ECHDC3: variants seen among roughly 807,000 people sequenced by gnomAD.
ECHDC3 encodes the protein enoyl-CoA hydratase domain-containing protein 3, mitochondrial.
In ECHDC3, 20 loss-of-function variants were observed where a neutral mutation model predicts 17.9. The ratio of observed to expected loss-of-function variants is 1.12; its 90% CI spans 0.79 to 1.63. ECHDC3 has a LOEUF of 1.63. Ranked by LOEUF, ECHDC3 falls within the 40% of genes most tolerant of loss-of-function variation. The probability of loss-of-function intolerance (pLI) is 0.00; values close to 1 mark genes in which losing one functional copy is unlikely to be tolerated. For synonymous variants in ECHDC3, 177 were observed against 149.7 expected (o/e 1.18, Z -1.33); for missense variants, 407 against 357.7 (o/e 1.14, Z -1.11).
rs190249148 is a variant in ECHDC3, at chr10:11,760,410, C to G, written c.592-2814C>G. On this transcript the variant is annotated intron_variant, in intron 4 of 4. Transcript: ENST00000379215. Reference sequence around the variant, plus strand: ...ACTGCCGGCCCAGGCTGCAAGCCCCCCACCTGGGATGAATACTTGCCCATC... The same window carrying G: ...ACTGCCGGCCCAGGCTGCAAGCCCCGCACCTGGGATGAATACTTGCCCATC... Among the ~76,000 whole-genome samples the G allele has an allele frequency of 1.7e-3, 263 of 152,340 alleles. 1 individual carries two copies. Among genetic ancestry groups the G allele is most frequent in the African/African-American group, 6.0e-3 (248 of 41,582 alleles).
Position 11,742,429 on chromosome 10 carries a change from C to T in ECHDC3, c.-148C>T. ...TGGGGCGTCCCCGCGAAGCCTGGGC[C>T]TGTCAGGCGGTTCCGTCCGGGTCTC... is the stretch of plus-strand genomic sequence containing the variant. On this transcript the variant is annotated 5_prime_UTR_variant, in exon 1 of 5. Coordinates refer to ENST00000379215, the MANE Select transcript of ECHDC3 (RefSeq NM_024693.5). 3 of 734,642 alleles carry T rather than the reference C, an allele frequency of 4.1e-6. No individual in the cohort carries two copies. The highest frequency in any genetic ancestry group is 1.8e-6 in the Non-Finnish European group (1 of 546,540). The allele number at this position is 734,642 out of a possible 1,614,324, so 45.5% of individuals were successfully genotyped here. A position where few individuals can be genotyped will look rare whatever the true frequency, so the allele number is the denominator to read the frequency against.
At chr10:11,742,800 C>G in intron 1 of ECHDC3, 54 bp downstream of exon 1, 1 of 1,222,540 alleles carries the variant, frequency 8.2e-7, no homozygotes, top group Non-Finnish European at 1.0e-6. Context: ...GGGGTCAGGG[C>G]GCCGCCATTG....
intron 2 of ECHDC3, among the ~76,000 whole-genome samples, chr10:11,748,624 G>C (rs1370356915): frequency 6.6e-6 from 1 of 152,168 alleles, no homozygotes; most frequent in Non-Finnish European, 1.5e-5. Context: ...GGTTGCTCAT[G>C]TCTGTAATCC....
Position 11,749,656 on chromosome 10 carries a change from C to T in ECHDC3, c.390+64C>T, listed in dbSNP as rs182993857. 49 of 1,503,716 alleles carry T rather than the reference C, an allele frequency of 3.3e-5. No individual in the cohort carries two copies. The East Asian group carries it at 6.4e-4, about 20-fold the overall frequency. The allele number at this position is 1,503,716 out of a possible 1,614,324, so 93.1% of individuals were successfully genotyped here. A position where few individuals can be genotyped will look rare whatever the true frequency, so the allele number is the denominator to read the frequency against. On this transcript the variant is annotated intron_variant, in intron 3 of 4. Coordinates refer to ENST00000379215, the MANE Select transcript of ECHDC3 (RefSeq NM_024693.5). ...TGATCATTACATTAAATGTTGAGTT[C>T]GCCTTCGACCTTACAGATAAGATTT...
At chr10:11,762,654 G>A (rs764628620) in intron 4 of ECHDC3, among the ~76,000 whole-genome samples, 3 of 152,200 alleles carry the variant, frequency 2.0e-5, no homozygotes, top group Non-Finnish European at 2.9e-5. Context: ...TAGGAGGGGA[G>A]AGGGCATCCT....
At chr10:11,760,813 G>T (rs1276478541) in intron 4 of ECHDC3, among the ~76,000 whole-genome samples, 1 of 152,212 alleles carries the variant, frequency 6.6e-6, no homozygotes, top group Non-Finnish European at 1.5e-5. Context: ...GGTGTCTTCA[G>T]CAGGGTCCTA....
intron 1 of ECHDC3, 63 bp from the exon 2 acceptor site, chr10:11,747,286 C>T (rs56380340): frequency 1.9e-6 from 3 of 1,585,546 alleles, no homozygotes; most frequent in East Asian, 2.3e-5. Context: ...AGACAGGAAT[C>T]GCAGGGGTCC....
Position 11,747,720 on chromosome 10 carries a change from C to T in ECHDC3, c.292+250C>T, listed in dbSNP as rs534850891. 6.6e-5 allele frequency among the ~76,000 whole-genome samples: 10 copies of T among 152,350 alleles called. No homozygotes were observed. The East Asian group carries it at 1.9e-3, about 29-fold the overall frequency. On this transcript the variant is annotated intron_variant, in intron 2 of 4. Coordinates refer to ENST00000379215, the MANE Select transcript of ECHDC3 (RefSeq NM_024693.5). Reference sequence around the variant, plus strand: ...CTTTTTGTCAGATACTAAAACATTTCTGTACTTGGCTATACTGGTCTTCCC... The same window carrying T: ...CTTTTTGTCAGATACTAAAACATTTTTGTACTTGGCTATACTGGTCTTCCC...
chr10:11,744,038 C>T (rs916889749), intron 1 of ECHDC3, among the ~76,000 whole-genome samples: 6 of 152,248 alleles, frequency 3.9e-5, no homozygotes, highest in Non-Finnish European at 7.3e-5. Flanking sequence ...GAGCGACCCA[C>T]CACTCTTCAA....
chr10:11,743,866 G>A (rs1365685298), intron 1 of ECHDC3, among the ~76,000 whole-genome samples: 1 of 152,238 alleles, frequency 6.6e-6, no homozygotes, highest in Non-Finnish European at 1.5e-5. Context: ...CAAAAAGGAG[G>A]CCGGTCGAGT....
In ECHDC3 at chr10:11,752,299, T is replaced by TTTTTA. The variant is rs1832835040; in HGVS notation, c.390+2707_390+2708insTTTTA. The TTTTTA allele has an allele frequency of 3.4e-5, 5 of 148,446 alleles. No homozygotes were observed. In the Admixed American group the frequency reaches 3.4e-4, roughly 10 times the overall value. The allele number at this position is 148,446 out of a possible 1,614,324, so 9.2% of individuals were successfully genotyped here. A position where few individuals can be genotyped will look rare whatever the true frequency, so the allele number is the denominator to read the frequency against. The stretch of plus-strand genomic sequence containing the variant: ...GTTAATTTTTTTTTTTTTTTTTTTT[T>TTTTTA]AGTAGAAATGGGGTTGCACCATGTT... On this transcript the variant is annotated intron_variant, in intron 3 of 4. Coordinates refer to ENST00000379215, the MANE Select transcript of ECHDC3 (RefSeq NM_024693.5).
chr10:11,746,632 A>G (rs1467389077), intron 1 of ECHDC3, among the ~76,000 whole-genome samples: 1 of 152,166 alleles, frequency 6.6e-6, no homozygotes, highest in Non-Finnish European at 1.5e-5. Context: ...ATGTACCCAC[A>G]AAAATTAAAT....
At chr10:11,756,041 G>A (rs1421401066) in intron 4 of ECHDC3, among the ~76,000 whole-genome samples, 2 of 152,212 alleles carry the variant, frequency 1.3e-5, no homozygotes, top group African/African-American at 4.8e-5. Context: ...GGATAGTAGT[G>A]TCGCTGGCTC....
At chr10:11,756,966 C>G (rs1832891872) in intron 4 of ECHDC3, among the ~76,000 whole-genome samples, 2 of 152,196 alleles carry the variant, frequency 1.3e-5, no homozygotes, top group African/African-American at 4.8e-5. Flanking sequence ...AACTCCTGAC[C>G]TCAAGTAGTC....
At chr10:11,744,299 C>T (rs73576958) in intron 1 of ECHDC3, among the ~76,000 whole-genome samples, 5,021 of 152,308 alleles carry the variant, frequency 0.033, 293 homozygotes, top group African/African-American at 0.11. Flanking sequence ...TACTCTGTTT[C>T]TACTCACCAC....
chr10:11,748,064 A>G (rs1428760148), intron 2 of ECHDC3, among the ~76,000 whole-genome samples: 1 of 152,226 alleles, frequency 6.6e-6, no homozygotes, highest in East Asian at 1.9e-4. Context: ...CAAATCAAGC[A>G]TCAGTGTTTC....
At position 11,742,672 on chromosome 10, in the gene ECHDC3, C is replaced by T. The variant is rs1832708388; in HGVS notation, c.96C>T (p.Ser32=). The T allele has an allele frequency of 1.6e-6, 2 of 1,245,720 alleles. No homozygotes were observed. The highest frequency in any genetic ancestry group is 1.6e-5 in the African/African-American group (1 of 63,560). 77.2% of individuals were successfully genotyped at this position (1,245,720 alleles called of 1,614,324 possible). The change falls in exon 1 of 5, where the codon AGC becomes AGT. Residue 32 remains serine, a synonymous_variant. Transcript: ENST00000379215. Reference sequence around the variant, plus strand: ...CCCAGCTCCCCGCCCGCTTCTGCAGCCGGGACCCGGCCGGGGCGGGGCGGC... The same window carrying T: ...CCCAGCTCCCCGCCCGCTTCTGCAGTCGGGACCCGGCCGGGGCGGGGCGGC... ...PWAQLPARFC[S]RDPAGAGRRE... is the part of the protein sequence containing the mutation.
In ECHDC3 at chr10:11,763,422, G is replaced by T. The variant is rs752157823; in HGVS notation, c.790G>T (p.Gly264Trp). The T allele has an allele frequency of 1.4e-5, 11 of 804,368 alleles. No homozygotes were observed. Among genetic ancestry groups the T allele is most frequent in the Non-Finnish European group, 2.5e-5 (11 of 447,792 alleles). The allele number at this position is 804,368 out of a possible 1,614,324, so 49.8% of individuals were successfully genotyped here. A position where few individuals can be genotyped will look rare whatever the true frequency, so the allele number is the denominator to read the frequency against. The change falls in exon 5 of 5, where the codon GGG becomes TGG. Residue 264 changes from glycine (G) to tryptophan (W), a missense_variant. By Grantham distance (184) the Gly-to-Trp change is radical (BLOSUM62 -2). Coordinates refer to ENST00000379215, the MANE Select transcript of ECHDC3 (RefSeq NM_024693.5). The surrounding 1 kb of genome is among the most constrained non-coding windows in gnomAD (Gnocchi z 4.9). ...CTACAAGCAGCTGCCCCAGGACCTGGGGACGGCTTACTACCTCACCTCCCA... is the reference window on the plus strand; with the variant it reads ...CTACAAGCAGCTGCCCCAGGACCTGTGGACGGCTTACTACCTCACCTCCCA... The part of the protein sequence containing the change: ...TFYKQLPQDL[G>W]TAYYLTSQAM...
In ECHDC3 at chr10:11,749,520, G is replaced by C. The variant is rs775989600; in HGVS notation, c.318G>C (p.Gly106=). 6.2e-7 allele frequency: 1 copy of C among 1,614,038 alleles called. No individual in the cohort carries two copies. Among genetic ancestry groups the C allele is most frequent in the Non-Finnish European group, 8.5e-7 (1 of 1,180,018 alleles). Reference sequence around the variant, plus strand: ...CTGAGGGGCCTGTGTTTTCTTCTGGGCATGACTTAAAGGAGCTGACAGAGG... The same window carrying C: ...CTGAGGGGCCTGTGTTTTCTTCTGGCCATGACTTAAAGGAGCTGACAGAGG... ...ISAEGPVFSS[G]HDLKELTEEQ... is the part of the protein sequence containing the mutation. Residue 106 remains glycine, a synonymous_variant, in exon 3 of 5, where the codon GGG becomes GGC. Transcript: ENST00000379215.
Sources: allele counts gnomAD v4.1 joint callset (sites outside exome capture counted in the v4.1 genomes callset), GRCh38; gene constraint gnomAD v4.1.1; non-coding constraint Gnocchi (gnomAD v3.1); transcripts MANE v1.5; gene names NCBI Gene and HGNC (gene_info 2026-07-23, HGNC 2026-07-21).